Variants in CHD5 observed in about 807,000 individuals in gnomAD.
CHD5 encodes chromodomain helicase DNA binding protein 5.
Under a neutral mutation model 230.3 loss-of-function variants are expected in CHD5, and 69 were observed. That is an observed-to-expected ratio of 0.30 (90% CI 0.25 to 0.37). CHD5 has a LOEUF of 0.37. CHD5 is among the 10% of genes least tolerant of loss of function. The pLI is 1.00. For synonymous variants in CHD5, 1,064 were observed against 1,065.9 expected (o/e 1.00, Z 0.03); for missense variants, 1,827 against 2,622.8 (o/e 0.70, Z 6.63).
At chr1:6,162,605 C>G (rs1161968786) in intron 2 of CHD5, among the ~76,000 whole-genome samples, 1 of 152,132 alleles carries the variant, frequency 6.6e-6, no homozygotes, top group African/African-American at 2.4e-5. Context: ...TTCCCCCTGA[C>G]ACCACCACGA....
At position 6,128,625 on chromosome 1, in the gene CHD5, G is replaced by T; in HGVS notation, c.3620-16C>A. 6.3e-7 allele frequency: 1 copy of T among 1,593,378 alleles called. No homozygotes were observed. Among genetic ancestry groups the T allele is most frequent in the Non-Finnish European group, 8.6e-7 (1 of 1,161,800 alleles). On this transcript the variant is annotated splice_polypyrimidine_tract_variant and intron_variant, in intron 23 of 41. Coordinates refer to ENST00000262450, the MANE Select transcript of CHD5 (RefSeq NM_015557.3). The surrounding 1 kb of genome is among the most constrained non-coding windows in gnomAD (Gnocchi z 7.8). ...GACATCATGCCTGTCAGACAGAGAA[G>T]GAAAGCACTGGTGCAGGACCACAGA...
intron 31 of CHD5, among the ~76,000 whole-genome samples, chr1:6,123,398 C>A (rs964555138): frequency 6.6e-5 from 10 of 152,000 alleles, no homozygotes. Context: ...TGGTTGTACA[C>A]CCTACGAATA....
At chr1:6,177,650 T>C (rs1228508264) in intron 1 of CHD5, among the ~76,000 whole-genome samples, 1 of 152,090 alleles carries the variant, frequency 6.6e-6, no homozygotes, top group African/African-American at 2.4e-5. Flanking sequence ...AGCATGACAA[T>C]GTGTCTCAGA....
rs916817845 is a variant in CHD5, at chr1:6,142,801, G to T, written c.2044-196C>A. ...CTCCCTGACTCCCAGCCTGGCTGAAGTGCTCCCACAGTGTCCTCCCATGGC... is the reference window on the plus strand; with the variant it reads ...CTCCCTGACTCCCAGCCTGGCTGAATTGCTCCCACAGTGTCCTCCCATGGC... On this transcript the variant is annotated intron_variant, in intron 13 of 41. Coordinates refer to ENST00000262450, the MANE Select transcript of CHD5 (RefSeq NM_015557.3). The surrounding 1 kb of genome is among the most constrained non-coding windows in gnomAD (Gnocchi z 5.2). Among the ~76,000 whole-genome samples the T allele has an allele frequency of 3.9e-5, 6 of 152,184 alleles. No homozygotes were observed. Among genetic ancestry groups the T allele is most frequent in the African/African-American group, 1.4e-4 (6 of 41,448 alleles).
At chr1:6,149,098 G>A (rs1249793756) in intron 8 of CHD5, 23 bp from the exon 9 acceptor site, 2 of 1,482,658 alleles carry the variant, frequency 1.3e-6, no homozygotes, top group Non-Finnish European at 1.8e-6. Flanking sequence ...GCCAGGTGGA[G>A]GCACCCTGGG....
chr1:6,115,411 G>T (rs1666364440), intron 33 of CHD5, among the ~76,000 whole-genome samples: 3 of 152,224 alleles, frequency 2.0e-5, no homozygotes. Flanking sequence ...CCCCAGAGCA[G>T]GTTCCGTTTT....
At chr1:6,168,114 C>A (rs1226453730) in intron 2 of CHD5, 36 bp downstream of exon 2, 10 of 1,575,496 alleles carry the variant, frequency 6.3e-6, no homozygotes, top group Middle Eastern at 2.1e-4. Flanking sequence ...CAACCCCACC[C>A]GCCCCAAGCT....
chr1:6,146,172 G>A lies in CHD5; in HGVS notation c.1802+40C>T. 1 of 1,598,376 alleles carries A rather than the reference G, an allele frequency of 6.3e-7. No homozygotes were observed. Among genetic ancestry groups the A allele is most frequent in the Non-Finnish European group, 8.6e-7 (1 of 1,168,072 alleles). Reference sequence around the variant, plus strand: ...AGGGCAAAGAAGCTGACGTGGCCCGGCCCCAGCGATGGGCAGGGTGGCCGC... The same window carrying A: ...AGGGCAAAGAAGCTGACGTGGCCCGACCCCAGCGATGGGCAGGGTGGCCGC... On this transcript the variant is annotated intron_variant, in intron 11 of 41. Transcript: ENST00000262450. This position sits in a 1 kb window ranked among gnomAD's most constrained non-coding sequence, Gnocchi z 5.1.
intron 1 of CHD5, among the ~76,000 whole-genome samples, chr1:6,177,620 A>G (rs893083424): frequency 6.7e-6 from 1 of 150,330 alleles, no homozygotes; most frequent in African/African-American, 2.5e-5. Context: ...ACACAGCAAG[A>G]CCCCATCTCT....
At position 6,106,263 on chromosome 1, in the gene CHD5, G is replaced by C. The variant is rs766069793; in HGVS notation, c.*17C>G. On this transcript the variant is annotated 3_prime_UTR_variant, in exon 41 of 42. Coordinates refer to ENST00000262450, the MANE Select transcript of CHD5 (RefSeq NM_015557.3). ...GCTGGAAATGAGCGCTGCAACACAGGGAAGTCTCGAGGACGGCTAGATATC... is the reference window on the plus strand; with the variant it reads ...GCTGGAAATGAGCGCTGCAACACAGCGAAGTCTCGAGGACGGCTAGATATC... 6.2e-7 allele frequency: 1 copy of C among 1,612,840 alleles called. No individual in the cohort carries two copies. The highest frequency in any genetic ancestry group is 8.5e-7 in the Non-Finnish European group (1 of 1,179,982).
intron 1 of CHD5, among the ~76,000 whole-genome samples, chr1:6,173,175 G>A (rs1259138696): frequency 6.6e-6 from 1 of 151,126 alleles, no homozygotes. Flanking sequence ...CGCGATCTCG[G>A]CTCACTGCAA....
At chr1:6,120,301 GACC>G (rs1666448163) in intron 33 of CHD5, among the ~76,000 whole-genome samples, 1 of 152,126 alleles carries the variant, frequency 6.6e-6, no homozygotes, top group Non-Finnish European at 1.5e-5. Flanking sequence ...CATGTTTTCA[GACC>G]ACAATGCAAT....
rs2100842768 is a variant in CHD5, at chr1:6,125,125, G to A, written c.4369C>T (p.Arg1457Ter). 2 of 1,599,734 alleles carry A rather than the reference G, an allele frequency of 1.3e-6. No homozygotes were observed. Among genetic ancestry groups the A allele is most frequent in the Non-Finnish European group, 1.7e-6 (2 of 1,173,392 alleles). Residue 1457 changes from arginine (R) to a stop codon, truncating the protein, a stop_gained, in exon 29 of 42, where the codon CGA (arginine) becomes TGA (stop). Transcript: ENST00000262450. LOFTEE classifies it high-confidence loss of function. The surrounding 1 kb of genome is among the most constrained non-coding windows in gnomAD (Gnocchi z 6.7). ...CTAAACTCCTTCTCGCTCTTCCCTCGAAGGTCCCGCACCAGCCAGTGGGAG... is the reference window on the plus strand; with the variant it reads ...CTAAACTCCTTCTCGCTCTTCCCTCAAAGGTCCCGCACCAGCCAGTGGGAG... ...FNSHWLVRDL[R>*]GKSEKEFRAY... is the part of the protein sequence containing the mutation.
At chr1:6,156,535 C>T (rs1437450337) in intron 3 of CHD5, among the ~76,000 whole-genome samples, 1 of 63,810 alleles carries the variant, frequency 1.6e-5, no homozygotes. Flanking sequence ...GATTCTGTCT[C>T]AAAAAAAAAA....
intron 1 of CHD5, among the ~76,000 whole-genome samples, chr1:6,179,324 G>A (rs1235273382): frequency 1.3e-5 from 2 of 152,106 alleles, no homozygotes; most frequent in African/African-American, 2.4e-5. Context: ...GCTTGGGAGC[G>A]GCGGTCACAG....
At chr1:6,139,340 G>A (rs111713101) in intron 15 of CHD5, among the ~76,000 whole-genome samples, 17 of 152,074 alleles carry the variant, frequency 1.1e-4, no homozygotes, top group Non-Finnish European at 2.2e-4. Flanking sequence ...AGGTTCAAGC[G>A]ATTCTCCTGC....
chr1:6,144,254 G>C (rs1666876265), intron 11 of CHD5, 99 bp from the exon 12 acceptor site: 1 of 1,521,730 alleles, frequency 6.6e-7, no homozygotes, highest in Non-Finnish European at 9.0e-7. Context: ...TCACACCCAG[G>C]GTCCCCTCGG....
In CHD5 at chr1:6,136,875, A is replaced by G; in HGVS notation, c.2437-10T>C. The G allele has an allele frequency of 6.2e-7, 1 of 1,602,252 alleles. No homozygotes were observed. The highest frequency in any genetic ancestry group is 1.3e-5 in the African/African-American group (1 of 74,800). On this transcript the variant is annotated splice_polypyrimidine_tract_variant and intron_variant, in intron 15 of 41. Coordinates refer to ENST00000262450, the MANE Select transcript of CHD5 (RefSeq NM_015557.3). ...TGATCTGCACTTCTTTCTGGAGAAAAGAGGGGCATTGGGGATGAGACGGCT... is the reference window on the plus strand; with the variant it reads ...TGATCTGCACTTCTTTCTGGAGAAAGGAGGGGCATTGGGGATGAGACGGCT...
At chr1:6,109,610 C>T (rs1666252806) in intron 38 of CHD5, among the ~76,000 whole-genome samples, 185 bp downstream of exon 38, 1 of 152,196 alleles carries the variant, frequency 6.6e-6, no homozygotes, top group Admixed American at 6.5e-5. Context: ...GCCTCAGTTT[C>T]CCTGCAGGGG....
Sources: gnomAD v4.1 joint callset for allele counts (sites outside exome capture counted in the v4.1 genomes callset) on GRCh38, gnomAD v4.1.1 for gene constraint, Gnocchi (gnomAD v3.1) non-coding constraint, MANE v1.5 for transcripts, NCBI Gene and HGNC (gene_info 2026-07-23, HGNC 2026-07-21) for gene names.